Variants in RARB observed in about 807,000 individuals in gnomAD.
The protein encoded by RARB is HBV-activated protein.
RARB carries 17 observed loss-of-function variants against 51.9 expected under a neutral mutation model. The ratio of observed to expected loss-of-function variants is 0.33; its 90% CI spans 0.22 to 0.49. The LOEUF is 0.49. RARB is among the 20% of genes least tolerant of loss of function. The pLI is 0.99. For synonymous variants in RARB, 215 were observed against 195.4 expected (o/e 1.10, Z -0.84); for missense variants, 369 against 550.8 (o/e 0.67, Z 3.30).
chr3:25,289,988 C>T (rs1415321936), intron 5 of RARB, among the ~76,000 whole-genome samples: 1 of 152,174 alleles, frequency 6.6e-6, no homozygotes. Context: ...CAGGAAAAGA[C>T]TCTGGAAGGT....
chr3:25,157,912 C>CAAACATACCAG lies in RARB; in HGVS notation c.-279-16205_-279-16204insACATACCAGAA, dbSNP rs11276564. 3.8e-4 allele frequency among the ~76,000 whole-genome samples: 58 copies of CAAACATACCAG among 151,586 alleles called. No homozygotes were observed. In the East Asian group the frequency reaches 9.2e-3, roughly 24 times the overall value. ...AGCAATGTGCTGACCAACTTTAAAT[C>CAAACATACCAG]AACTGATGCAGCAGACTATTGTTTA... is the stretch of plus-strand genomic sequence containing the variant. On this transcript the variant is annotated intron_variant, in intron 4 of 11. Transcript: ENST00000383772.
intron 5 of RARB, among the ~76,000 whole-genome samples, chr3:25,317,663 CT>C (rs1166393981): frequency 6.6e-6 from 1 of 152,052 alleles, no homozygotes; most frequent in East Asian, 1.9e-4. Context: ...AGTTTTCTTG[CT>C]TTTAGATACA....
rs1342127239 is a variant in RARB, at chr3:25,488,259, TA to T, written c.307-12918del. Among the ~76,000 whole-genome samples, 7 of 152,308 alleles carry T rather than the reference TA, an allele frequency of 4.6e-5. No individual in the cohort carries two copies. In the East Asian group the frequency reaches 1.2e-3, roughly 25 times the overall value. On this transcript the variant is annotated intron_variant, in intron 2 of 7. Coordinates refer to ENST00000330688, the MANE Select transcript of RARB (RefSeq NM_000965.5). ...ATTATTCATTTGAGAAAACTCTGAA[TA>T]AAAATATCAATCTTGAATATGTGTG...
intron 3 of RARB, among the ~76,000 whole-genome samples, chr3:25,511,750 C>T (rs1208049324): frequency 6.6e-6 from 1 of 152,202 alleles, no homozygotes; most frequent in Admixed American, 6.5e-5. Flanking sequence ...TGACATGCCC[C>T]TGCCTTACTG....
At chr3:25,308,798 T>C (rs1704214676) in intron 5 of RARB, among the ~76,000 whole-genome samples, 1 of 152,162 alleles carries the variant, frequency 6.6e-6, no homozygotes, top group South Asian at 2.1e-4. Context: ...ACTTTTTTTG[T>C]TCCTCTTGTG....
At chr3:24,927,331 G>A (rs1695341518) in intron 2 of RARB, among the ~76,000 whole-genome samples, 1 of 152,068 alleles carries the variant, frequency 6.6e-6, no homozygotes, top group African/African-American at 2.4e-5. Flanking sequence ...GAATCCCAGA[G>A]TAAGTTTGTA....
chr3:25,517,614 A>G (rs1698222415), intron 3 of RARB, among the ~76,000 whole-genome samples: 1 of 152,184 alleles, frequency 6.6e-6, no homozygotes, highest in East Asian at 1.9e-4. Context: ...ACAGAGAGTT[A>G]TTATGGGACC....
chr3:25,486,773 G>A (rs144905605), intron 2 of RARB, among the ~76,000 whole-genome samples: 1 of 152,242 alleles, frequency 6.6e-6, no homozygotes, highest in African/African-American at 2.4e-5. Context: ...TGCATTTCCT[G>A]ATGATGGTCT....
intron 2 of RARB, among the ~76,000 whole-genome samples, chr3:24,886,159 C>T (rs543538781): frequency 7.2e-5 from 11 of 152,242 alleles, no homozygotes; most frequent in East Asian, 1.9e-4. Flanking sequence ...ACACTATTTT[C>T]GCCTCTTAGG....
intron 5 of RARB, among the ~76,000 whole-genome samples, chr3:25,306,378 C>G (rs1704151871): frequency 6.6e-6 from 1 of 152,080 alleles, no homozygotes; most frequent in Non-Finnish European, 1.5e-5. Context: ...AAAAGCACTC[C>G]AGTTTCAAAA....
Position 25,050,302 on chromosome 3 carries a change from A to G in RARB, c.-379-9823A>G, listed in dbSNP as rs144467288. 1.4e-3 allele frequency among the ~76,000 whole-genome samples: 218 copies of G among 152,298 alleles called. 1 individual carries two copies. Among genetic ancestry groups the G allele is most frequent in the African/African-American group, 4.9e-3 (203 of 41,562 alleles). ...GTCAAGGTGAGCTGCTTTCAAGCAG[A>G]TAAGACACACTGCATCACCTTATGA... On this transcript the variant is annotated intron_variant, in intron 2 of 11. Transcript: ENST00000383772.
At chr3:25,554,533 C>A (rs1699977513) in intron 3 of RARB, among the ~76,000 whole-genome samples, 1 of 152,072 alleles carries the variant, frequency 6.6e-6, no homozygotes. Flanking sequence ...GCCCAAAAGC[C>A]TACAACATTT....
At chr3:25,591,196 A>C (rs188781372) in intron 5 of RARB, among the ~76,000 whole-genome samples, 1 of 152,368 alleles carries the variant, frequency 6.6e-6, no homozygotes, top group East Asian at 1.9e-4. Flanking sequence ...TTAATGATCA[A>C]TTGCTAATTC....
At chr3:25,429,426 A>G (rs953816604) in intron 1 of RARB, among the ~76,000 whole-genome samples, 6 of 152,216 alleles carry the variant, frequency 3.9e-5, no homozygotes, top group African/African-American at 1.4e-4. Context: ...ATAAACCACC[A>G]GTTCAAGCTG....
At chr3:24,944,338 C>T (rs1430560398) in intron 2 of RARB, among the ~76,000 whole-genome samples, 1 of 152,186 alleles carries the variant, frequency 6.6e-6, no homozygotes, top group African/African-American at 2.4e-5. Flanking sequence ...ACATAATAAA[C>T]ATTTGCCGTA....
intron 5 of RARB, among the ~76,000 whole-genome samples, chr3:25,307,683 A>T (rs1171155982): frequency 6.6e-6 from 1 of 152,182 alleles, no homozygotes; most frequent in Admixed American, 6.5e-5. Context: ...TTGGACAGAG[A>T]TGAGTAGGTC....
chr3:25,504,882 C>CA lies in RARB; in HGVS notation c.448+3561dup, dbSNP rs543685139. Among the ~76,000 whole-genome samples, 45 of 150,998 alleles carry CA rather than the reference C, an allele frequency of 3.0e-4. 1 individual carries two copies. In the South Asian group the frequency reaches 5.0e-3, roughly 17 times the overall value. ...AAGCGATACTCCTGCCTAAGCCTCC[C>CA]AAGTAGCTGGCATTATAGGCGCCTG... On this transcript the variant is annotated intron_variant, in intron 3 of 7. Transcript: ENST00000330688.
intron 5 of RARB, among the ~76,000 whole-genome samples, chr3:25,336,609 A>G (rs530395234): frequency 2.6e-5 from 4 of 152,244 alleles, no homozygotes; most frequent in East Asian, 1.9e-4. Context: ...ATAAGGAGGG[A>G]TGTTCCTTCC....
At chr3:25,080,628 A>G (rs1335965913) in intron 3 of RARB, among the ~76,000 whole-genome samples, 1 of 152,110 alleles carries the variant, frequency 6.6e-6, no homozygotes, top group Non-Finnish European at 1.5e-5. Flanking sequence ...GATGCTATAG[A>G]TCATTGAGGT....
Sources: allele counts gnomAD v4.1 joint callset (sites outside exome capture counted in the v4.1 genomes callset), GRCh38; gene constraint gnomAD v4.1.1; transcripts MANE v1.5; gene names NCBI Gene and HGNC (gene_info 2026-07-23, HGNC 2026-07-21).